The following FRMD4B variants were observed in gnomAD, a reference collection of about 807,000 sequenced individuals.
FRMD4B encodes the protein FERM domain containing 4B.
Under a neutral mutation model 141.5 loss-of-function variants are expected in FRMD4B, and 74 were observed. The ratio of observed to expected loss-of-function variants is 0.52; its 90% CI spans 0.43 to 0.63. The LOEUF (loss-of-function observed/expected upper bound fraction) is 0.63. Among genes scored for constraint, FRMD4B ranks in the 30% least tolerant of loss-of-function variants. The pLI, the probability that FRMD4B is intolerant of heterozygous loss-of-function variation, is 0.00. For missense variants in FRMD4B, 1,366 were observed against 1,253.4 expected, an observed-to-expected ratio of 1.09 and a Z score of -1.36; for synonymous variants, 506 against 467.9, an observed-to-expected ratio of 1.08 and a Z score of -1.05.
chr3:69,541,887 G>A (rs572348148), intron 1 of FRMD4B, among the ~76,000 whole-genome samples: 7 of 151,756 alleles, frequency 4.6e-5, no homozygotes, highest in Admixed American at 1.3e-4. Context: ...CGCGGCAACC[G>A]AAGCACGCGG....
At chr3:69,212,413 A>G (rs1334070919) in intron 11 of FRMD4B, among the ~76,000 whole-genome samples, 1 of 149,666 alleles carries the variant, frequency 6.7e-6, no homozygotes, top group African/African-American at 2.4e-5. Context: ...AAAAAAAGCG[A>G]TAACAAAAGA....
At chr3:69,253,181 C>CTTTTTTTTTTTT (rs781662739) in intron 5 of FRMD4B, among the ~76,000 whole-genome samples, 1 of 121,950 alleles carries the variant, frequency 8.2e-6, no homozygotes, top group Non-Finnish European at 1.7e-5. Flanking sequence ...AATATGATTC[C>CTTTTTTTTTTTT]TATTTTTTTT....
intron 5 of FRMD4B, among the ~76,000 whole-genome samples, chr3:69,279,668 TCTC>T (rs138582024): frequency 0.13 from 10,262 of 77,390 alleles, 1,813 homozygotes; most frequent in South Asian, 0.21. Context: ...TCCTCCTCCT[TCTC>T]CTCCTCCTCC....
At chr3:69,297,076 T>C (rs1701057549) in intron 4 of FRMD4B, among the ~76,000 whole-genome samples, 1 of 152,214 alleles carries the variant, frequency 6.6e-6, no homozygotes. Context: ...TCTATATCAA[T>C]AAGTCTCACC....
At chr3:69,538,361 G>A (rs1470206003) in intron 1 of FRMD4B, among the ~76,000 whole-genome samples, 4 of 151,986 alleles carry the variant, frequency 2.6e-5, no homozygotes, top group Admixed American at 2.6e-4. Context: ...CTTAAAATCG[G>A]GTTTGTAACT....
intron 1 of FRMD4B, among the ~76,000 whole-genome samples, chr3:69,467,095 C>T (rs1006150448): frequency 5.9e-5 from 9 of 152,164 alleles, no homozygotes; most frequent in African/African-American, 2.2e-4. Flanking sequence ...TTGTCTCCAT[C>T]TCTCTCCCCC....
chr3:69,460,875 G>A (rs972339086), intron 1 of FRMD4B, among the ~76,000 whole-genome samples: 5 of 152,260 alleles, frequency 3.3e-5, no homozygotes, highest in Admixed American at 6.5e-5. Flanking sequence ...ACCAGATTAC[G>A]TGATCTGTAA....
intron 9 of FRMD4B, among the ~76,000 whole-genome samples, chr3:69,221,652 T>A (rs532610824): frequency 5.1e-4 from 77 of 152,236 alleles, no homozygotes; most frequent in African/African-American, 1.4e-3. Flanking sequence ...ACATTTCTCA[T>A]TTTTTTACTT....
At chr3:69,535,323 G>A (rs1701068063) in intron 1 of FRMD4B, among the ~76,000 whole-genome samples, 1 of 152,206 alleles carries the variant, frequency 6.6e-6, no homozygotes, top group Admixed American at 6.5e-5. Context: ...CTCACAACCA[G>A]TTTCCTTGGC....
intron 1 of FRMD4B, among the ~76,000 whole-genome samples, chr3:69,441,003 ATG>A (rs1705333409): frequency 6.6e-6 from 1 of 152,048 alleles, no homozygotes; most frequent in Admixed American, 6.6e-5. Flanking sequence ...CCTGAAGCAG[ATG>A]TATATTTTCT....
chr3:69,366,513 C>G (rs747078490), intron 1 of FRMD4B, among the ~76,000 whole-genome samples: 6 of 131,582 alleles, frequency 4.6e-5, no homozygotes, highest in African/African-American at 1.2e-4. Context: ...GTGATCTCAC[C>G]TCTGTAAAAA....
chr3:69,460,526 T>C (rs1049637591), intron 1 of FRMD4B, among the ~76,000 whole-genome samples: 20 of 152,194 alleles, frequency 1.3e-4, no homozygotes, highest in African/African-American at 4.8e-4. Flanking sequence ...CCCAAACTGG[T>C]TGCACACCAG....
chr3:69,476,557 A>G (rs1706003439), intron 1 of FRMD4B, among the ~76,000 whole-genome samples: 1 of 151,808 alleles, frequency 6.6e-6, no homozygotes, highest in African/African-American at 2.4e-5. Context: ...TGTTCCATTG[A>G]TCTATATCTC....
intron 7 of FRMD4B, among the ~76,000 whole-genome samples, chr3:69,224,988 TTCTC>T (rs1487556649): frequency 1.1e-4 from 17 of 152,244 alleles, no homozygotes; most frequent in East Asian, 3.8e-4. Context: ...ATTATCCACT[TTCTC>T]TATGTTCCTA....
At chr3:69,474,120 C>T (rs1236615928) in intron 1 of FRMD4B, among the ~76,000 whole-genome samples, 1 of 152,212 alleles carries the variant, frequency 6.6e-6, no homozygotes, top group Non-Finnish European at 1.5e-5. Flanking sequence ...ATTACTTGCT[C>T]TCCTCTATTT....
intron 1 of FRMD4B, among the ~76,000 whole-genome samples, chr3:69,331,247 G>T (rs932286157): frequency 6.6e-6 from 1 of 152,174 alleles, no homozygotes; most frequent in African/African-American, 2.4e-5. Flanking sequence ...AACTCATTGA[G>T]GAGTCCTTAA....
At chr3:69,439,463 T>C (rs147909466) in intron 1 of FRMD4B, among the ~76,000 whole-genome samples, 62 of 152,242 alleles carry the variant, frequency 4.1e-4, no homozygotes, top group African/African-American at 1.4e-3. Context: ...TCCTCCAAGG[T>C]ATTATTTGGA....
intron 22 of FRMD4B, among the ~76,000 whole-genome samples, chr3:69,176,159 T>C (rs948391243): frequency 6.6e-6 from 1 of 151,968 alleles, no homozygotes; most frequent in Non-Finnish European, 1.5e-5. Flanking sequence ...AGAGGAAATA[T>C]ACAAGAATTC....
intron 1 of FRMD4B, among the ~76,000 whole-genome samples, chr3:69,482,844 T>G (rs749121583): frequency 1.4e-4 from 22 of 152,184 alleles, no homozygotes; most frequent in Non-Finnish European, 2.4e-4. Flanking sequence ...TTGGTTTGCT[T>G]TTAACCACTT....
Sources: gnomAD v4.1 joint callset for allele counts (sites outside exome capture counted in the v4.1 genomes callset) on GRCh38, gnomAD v4.1.1 for gene constraint, MANE v1.5 for transcripts, NCBI Gene and HGNC (gene_info 2026-07-23, HGNC 2026-07-21) for gene names.